ENTREP2: variants seen among roughly 807,000 people sequenced by gnomAD.
ENTREP2 encodes the protein endosomal transmembrane epsin interactor 2.
At chr15:29,403,055 G>A in the ENTREP2 span, among the ~76,000 whole-genome samples, 2 of 152,176 alleles carry the variant, frequency 1.3e-5, no homozygotes, top group South Asian at 4.1e-4. Context: ...GCCAGTCTGA[G>A]TGAGAGGCAG....
At chr15:29,310,950 G>C in the ENTREP2 span, among the ~76,000 whole-genome samples, 1 of 152,130 alleles carries the variant, frequency 6.6e-6, no homozygotes, top group African/African-American at 2.4e-5. Flanking sequence ...AAACAGCAAG[G>C]AACAGAGTAG....
At chr15:29,652,576 G>T in the ENTREP2 span, among the ~76,000 whole-genome samples, 1 of 152,328 alleles carries the variant, frequency 6.6e-6, no homozygotes, top group Admixed American at 6.5e-5. Flanking sequence ...CCCAAGCCAG[G>T]GCTGTGACTC....
At chr15:29,488,101 A>C in the ENTREP2 span, among the ~76,000 whole-genome samples, 18 of 151,032 alleles carry the variant, frequency 1.2e-4, no homozygotes, top group Non-Finnish European at 1.5e-5. Context: ...CACACACTGG[A>C]CTTACTAAAG....
the ENTREP2 span, among the ~76,000 whole-genome samples, chr15:29,558,156 G>A: frequency 4.6e-5 from 7 of 152,118 alleles, no homozygotes; most frequent in African/African-American, 1.7e-4. Flanking sequence ...AGATCTGGGG[G>A]TGGGGTTTCT....
the ENTREP2 span, among the ~76,000 whole-genome samples, chr15:29,283,339 T>G: frequency 6.6e-6 from 1 of 152,194 alleles, no homozygotes; most frequent in Admixed American, 6.5e-5. Context: ...CCACCCTATC[T>G]GCCTCTATCT....
chr15:29,399,047 T>C, the ENTREP2 span, among the ~76,000 whole-genome samples: 1 of 152,152 alleles, frequency 6.6e-6, no homozygotes, highest in East Asian at 1.9e-4. Flanking sequence ...GCTGCTGGCC[T>C]TGAAGAAGTG....
chr15:29,353,511 G>A, the ENTREP2 span, among the ~76,000 whole-genome samples: 2 of 152,210 alleles, frequency 1.3e-5, no homozygotes, highest in Admixed American at 6.5e-5. Flanking sequence ...ATGGGTGTGT[G>A]TATGTTGCAT....
chr15:29,426,812 A>G, the ENTREP2 span, among the ~76,000 whole-genome samples: 2 of 152,178 alleles, frequency 1.3e-5, no homozygotes, highest in Non-Finnish European at 2.9e-5. Flanking sequence ...GGTATGTGAT[A>G]TATCCTAAAC....
At chr15:29,454,138 A>T in the ENTREP2 span, among the ~76,000 whole-genome samples, 2 of 152,198 alleles carry the variant, frequency 1.3e-5, no homozygotes, top group Non-Finnish European at 2.9e-5. Flanking sequence ...AGACTGCACC[A>T]GTTTGGTGGA....
chr15:29,438,152 A>G, the ENTREP2 span, among the ~76,000 whole-genome samples: 6 of 152,214 alleles, frequency 3.9e-5, no homozygotes, highest in Admixed American at 3.9e-4. Flanking sequence ...TGGTGTCTGT[A>G]TCTTCAAAAA....
chr15:29,287,838 A>G, the ENTREP2 span, among the ~76,000 whole-genome samples: 10 of 152,386 alleles, frequency 6.6e-5, no homozygotes, highest in South Asian at 2.1e-3. Flanking sequence ...TGTTATAGAT[A>G]CCAAGTCTTA....
chr15:29,132,352 T>G, the ENTREP2 span, among the ~76,000 whole-genome samples: 12 of 152,098 alleles, frequency 7.9e-5, no homozygotes, highest in African/African-American at 2.9e-4. Context: ...GACACGGCCG[T>G]GAATTGAAAA....
the ENTREP2 span, among the ~76,000 whole-genome samples, chr15:29,661,226 A>T: frequency 6.6e-6 from 1 of 151,992 alleles, no homozygotes; most frequent in African/African-American, 2.4e-5. Flanking sequence ...TTTGAGACGG[A>T]CTCTCACTCT....
chr15:29,598,749 T>C, the ENTREP2 span, among the ~76,000 whole-genome samples: 2 of 152,094 alleles, frequency 1.3e-5, no homozygotes, highest in Non-Finnish European at 2.9e-5. Flanking sequence ...CAGGCTGGAG[T>C]GCAGTGGCGT....
chr15:29,405,728 C>T, the ENTREP2 span, among the ~76,000 whole-genome samples: 7 of 152,208 alleles, frequency 4.6e-5, no homozygotes, highest in African/African-American at 1.7e-4. Flanking sequence ...CTGCACAGTG[C>T]CCACCGGAGC....
chr15:29,304,998 C>T, the ENTREP2 span, among the ~76,000 whole-genome samples: 1 of 152,184 alleles, frequency 6.6e-6, no homozygotes, highest in African/African-American at 2.4e-5. Context: ...AACTGTACCA[C>T]GTTCTACTTT....
At chr15:29,415,203 G>A in the ENTREP2 span, among the ~76,000 whole-genome samples, 3 of 152,086 alleles carry the variant, frequency 2.0e-5, no homozygotes, top group Non-Finnish European at 4.4e-5. Context: ...AACAAAAAAA[G>A]AGAATTTTAC....
At chr15:29,378,573 C>A in the ENTREP2 span, among the ~76,000 whole-genome samples, 1 of 152,158 alleles carries the variant, frequency 6.6e-6, no homozygotes, top group African/African-American at 2.4e-5. Context: ...AATGACGGAC[C>A]TGCTACAGGG....
chr15:29,527,869 G>C, the ENTREP2 span, among the ~76,000 whole-genome samples: 251 of 152,210 alleles, frequency 1.6e-3, 1 homozygote, highest in African/African-American at 5.6e-3. Context: ...TGATTCACAG[G>C]GGTCTCCATT....
Sources: allele counts gnomAD v4.1 joint callset (sites outside exome capture counted in the v4.1 genomes callset), GRCh38; gene constraint gnomAD v4.1.1; transcripts MANE v1.5; gene names NCBI Gene and HGNC (gene_info 2026-07-23, HGNC 2026-07-21).